The following SAXO1 variants were observed in gnomAD, a reference collection of about 807,000 sequenced individuals.
SAXO1 encodes 4930500O09Rik.
A neutral mutation model predicts 17.5 loss-of-function variants in SAXO1; 21 were observed. The observed-to-expected ratio is 1.20, with a 90% CI of 0.85 to 1.72. SAXO1 has a LOEUF of 1.72. Among genes scored for constraint, SAXO1 ranks in the 40% most tolerant of loss-of-function variants. The pLI is 0.00. For synonymous variants in SAXO1, 274 were observed against 216.5 expected (o/e 1.27, Z -2.33); for missense variants, 843 against 596.0 (o/e 1.41, Z -4.32).
rs138757283 is a variant in SAXO1 at position 18,964,703 on chromosome 9, C to G, written c.39-13766G>C. ...CTACTTTGTTAATCTTTTCTAAAAA[C>G]TAGTTCCTGGATTCATTGATTTTTT... On this transcript the variant is annotated intron_variant, in intron 1 of 3. Coordinates refer to ENST00000380534, the MANE Select transcript of SAXO1 (RefSeq NM_153707.4). 2.7e-3 allele frequency among the ~76,000 whole-genome samples: 407 copies of G among 152,238 alleles called. 1 individual carries two copies. The highest frequency in any genetic ancestry group is 9.3e-3 in the African/African-American group (386 of 41,556).
chr9:18,949,987 C>T (rs1831963281), intron 2 of SAXO1, among the ~76,000 whole-genome samples: 1 of 152,132 alleles, frequency 6.6e-6, no homozygotes, highest in Non-Finnish European at 1.5e-5. Context: ...TCTGAGACTG[C>T]CCAACTGCAC....
intron 1 of SAXO1, among the ~76,000 whole-genome samples, chr9:18,991,946 A>T (rs1833832235): frequency 6.6e-6 from 1 of 152,180 alleles, no homozygotes; most frequent in Non-Finnish European, 1.5e-5. Flanking sequence ...GCTAAGTTTA[A>T]AAGTGTTCCA....
chr9:19,010,593 C>G (rs1039978240), intron 1 of SAXO1, among the ~76,000 whole-genome samples: 1 of 152,050 alleles, frequency 6.6e-6, no homozygotes, highest in Non-Finnish European at 1.5e-5. Flanking sequence ...CTTGTTAGTC[C>G]TGGTAAAGGC....
intron 1 of SAXO1, among the ~76,000 whole-genome samples, chr9:19,020,919 G>GA (rs1409880486): frequency 6.6e-6 from 1 of 152,150 alleles, no homozygotes; most frequent in Non-Finnish European, 1.5e-5. Flanking sequence ...AATGACCTGG[G>GA]AATCCACCTA....
intron 1 of SAXO1, among the ~76,000 whole-genome samples, chr9:19,016,686 A>G (rs1834987391): frequency 6.6e-6 from 1 of 152,144 alleles, no homozygotes; most frequent in Non-Finnish European, 1.5e-5. Context: ...GGTGCCACAG[A>G]TTAGAAACCC....
intron 1 of SAXO1, among the ~76,000 whole-genome samples, chr9:18,974,756 C>T (rs1225681949): frequency 6.6e-6 from 1 of 151,972 alleles, no homozygotes; most frequent in Non-Finnish European, 1.5e-5. Flanking sequence ...TTATAGAATG[C>T]CAAATAATAA....
At chr9:19,012,637 G>A (rs1357876107) in intron 1 of SAXO1, among the ~76,000 whole-genome samples, 2 of 152,204 alleles carry the variant, frequency 1.3e-5, no homozygotes, top group African/African-American at 4.8e-5. Flanking sequence ...AATCTCAGAA[G>A]GATACATCAG....
chr9:18,943,940 G>A (rs1031004837), intron 2 of SAXO1, among the ~76,000 whole-genome samples: 1 of 152,194 alleles, frequency 6.6e-6, no homozygotes, highest in Non-Finnish European at 1.5e-5. Context: ...CTTCCTCTCA[G>A]GGATGCCGCA....
intron 1 of SAXO1, among the ~76,000 whole-genome samples, chr9:18,982,742 A>C (rs563955611): frequency 1.4e-4 from 22 of 152,354 alleles, no homozygotes; most frequent in Admixed American, 4.6e-4. Context: ...GCTTTTGAAC[A>C]TAACTGCTTT....
At chr9:18,933,469 A>G (rs10757002) in intron 3 of SAXO1, among the ~76,000 whole-genome samples, 92,037 of 152,050 alleles carry the variant, frequency 0.61, 29,178 homozygotes, top group Middle Eastern at 0.81. Context: ...TATTTACCTA[A>G]TTACATTTAC....
intron 1 of SAXO1, among the ~76,000 whole-genome samples, chr9:19,013,540 ATTTTT>A (rs1219136885): frequency 3.2e-5 from 3 of 93,202 alleles, no homozygotes; most frequent in African/African-American, 8.6e-5. Context: ...AAAAGTACGG[ATTTTT>A]TTTTTTTTTT....
rs779355899 is a variant in SAXO1 at position 18,950,901 on chromosome 9, A to G, written c.75T>C (p.Tyr25=). The G allele has an allele frequency of 3.7e-6, 6 of 1,613,294 alleles. No homozygotes were observed. The highest frequency in any genetic ancestry group is 2.7e-5 in the African/African-American group (2 of 75,036). ...HHCPHLPTKI[Y]DKTEKPCLLS... is the part of the protein sequence containing the mutation. Reference sequence around the variant, plus strand: ...GAAGACATGGTTTCTCTGTTTTATCATAAATCTTGGTAGGGAGATGTGGAC... The same window carrying G: ...GAAGACATGGTTTCTCTGTTTTATCGTAAATCTTGGTAGGGAGATGTGGAC... Residue 25 remains tyrosine, a synonymous_variant, in exon 2 of 4, where the codon TAT becomes TAC. Transcript: ENST00000380534.
chr9:19,048,519 C>T (rs1359219512), intron 1 of SAXO1, among the ~76,000 whole-genome samples: 1 of 152,166 alleles, frequency 6.6e-6, no homozygotes, highest in Non-Finnish European at 1.5e-5. Context: ...GACTCTCATT[C>T]ATTCTGTATG....
intron 1 of SAXO1, among the ~76,000 whole-genome samples, chr9:19,047,027 A>T (rs1300517139): frequency 6.6e-6 from 1 of 152,156 alleles, no homozygotes; most frequent in Non-Finnish European, 1.5e-5. Context: ...TCTCTACTAA[A>T]AATACAAAAA....
intron 1 of SAXO1, chr9:19,027,595 C>T (rs1320453630): frequency 7.0e-7 from 1 of 1,428,128 alleles, no homozygotes; most frequent in Non-Finnish European, 9.9e-7. Context: ...TGACTGGCCC[C>T]CAGCTGGTGC....
At chr9:18,969,541 T>G (rs1277371474) in intron 1 of SAXO1, among the ~76,000 whole-genome samples, 1 of 152,214 alleles carries the variant, frequency 6.6e-6, no homozygotes, top group Non-Finnish European at 1.5e-5. Flanking sequence ...CTGGGTTGCT[T>G]GCACAGCACA....
intron 1 of SAXO1, among the ~76,000 whole-genome samples, chr9:18,958,973 A>T (rs535863146): frequency 1.6e-4 from 24 of 152,330 alleles, no homozygotes; most frequent in Admixed American, 1.4e-3. Context: ...ACTCTGTCAC[A>T]GGGATCAAAC....
rs958317645 is a variant in SAXO1, at chr9:19,033,100, C to T, written c.-192G>A. The T allele has an allele frequency of 1.5e-5, 8 of 543,608 alleles. No individual in the cohort carries two copies. The highest frequency in any genetic ancestry group is 3.2e-5 in the East Asian group (1 of 30,950). The allele number at this position is 543,608 out of a possible 1,614,324, so 33.7% of individuals were successfully genotyped here. On this transcript the variant is annotated 5_prime_UTR_variant, in exon 1 of 4. Coordinates refer to ENST00000380534, the MANE Select transcript of SAXO1 (RefSeq NM_153707.4). The stretch of plus-strand genomic sequence containing the variant: ...TGTTGCCCTCCTGGAGCTGGCCTAG[C>T]GCGAGGTAGCAGCAGGGGGCTTGCA...
intron 1 of SAXO1, among the ~76,000 whole-genome samples, chr9:18,983,749 T>A (rs1316262713): frequency 1.3e-5 from 2 of 152,194 alleles, no homozygotes. Context: ...TGAAATCAAC[T>A]GCTTCCAAAC....
Sources: allele counts gnomAD v4.1 joint callset (sites outside exome capture counted in the v4.1 genomes callset), GRCh38; gene constraint gnomAD v4.1.1; transcripts MANE v1.5; gene names NCBI Gene and HGNC (gene_info 2026-07-23, HGNC 2026-07-21).